The following PDE4D variants were observed in gnomAD, a reference collection of about 807,000 sequenced individuals.
The protein encoded by PDE4D is phosphodiesterase 4D.
In PDE4D, 24 loss-of-function variants were observed where a neutral mutation model predicts 87.4. The ratio of observed to expected loss-of-function variants is 0.27; its 90% CI spans 0.20 to 0.39. The LOEUF (loss-of-function observed/expected upper bound fraction) is 0.39, where lower values mean the gene tolerates loss of function less well. Among genes scored for constraint, PDE4D ranks in the 10% least tolerant of loss-of-function variants. PDE4D has a pLI of 1.00. For synonymous variants in PDE4D, 384 were observed against 383.2 expected, an observed-to-expected ratio of 1.00 and a Z score of -0.02; for missense variants, 714 against 1,041.0, an observed-to-expected ratio of 0.69 and a Z score of 4.32.
At chr5:60,302,010 C>A (rs1053124804) in intron 1 of PDE4D, among the ~76,000 whole-genome samples, 1 of 151,954 alleles carries the variant, frequency 6.6e-6, no homozygotes, top group African/African-American at 2.4e-5. Flanking sequence ...ACCTTGCATC[C>A]CAGAGATGAA....
chr5:59,057,107 C>A (rs186555807), intron 5 of PDE4D, among the ~76,000 whole-genome samples: 1 of 152,238 alleles, frequency 6.6e-6, no homozygotes, highest in East Asian at 1.9e-4. Context: ...TCACGGAAAC[C>A]TGGCACTTAA....
chr5:59,754,473 A>C (rs1376280116), intron 1 of PDE4D, among the ~76,000 whole-genome samples: 3 of 152,084 alleles, frequency 2.0e-5, no homozygotes, highest in African/African-American at 7.2e-5. Flanking sequence ...GTTATACAGG[A>C]TCCTACTCTC....
At chr5:59,623,723 T>C (rs1359935780) in intron 1 of PDE4D, among the ~76,000 whole-genome samples, 2 of 152,184 alleles carry the variant, frequency 1.3e-5, no homozygotes, top group East Asian at 1.9e-4. Flanking sequence ...AAAAAAAGAT[T>C]AGTCATCTTG....
chr5:59,561,345 A>G (rs1040140941), intron 1 of PDE4D, among the ~76,000 whole-genome samples: 2 of 152,220 alleles, frequency 1.3e-5, no homozygotes, highest in African/African-American at 4.8e-5. Context: ...AGATATTCTT[A>G]TAATTAACAA....
At chr5:59,015,254 A>C (rs1245159538) in intron 6 of PDE4D, among the ~76,000 whole-genome samples, 1 of 152,036 alleles carries the variant, frequency 6.6e-6, no homozygotes, top group East Asian at 1.9e-4. Context: ...AATGGCAACA[A>C]GAGCCAAAAT....
upstream of PDE4D, chr5:60,489,578 T>C (rs1305649947): frequency 6.6e-6 from 1 of 152,214 alleles, no homozygotes; most frequent in Non-Finnish European, 1.5e-5. Flanking sequence ...CTTTGAATTG[T>C]CCAATCTGTG....
At chr5:59,102,173 G>A (rs1770862372) in intron 5 of PDE4D, among the ~76,000 whole-genome samples, 1 of 136,802 alleles carries the variant, frequency 7.3e-6, no homozygotes, top group Admixed American at 8.5e-5. Flanking sequence ...CACAACCTCC[G>A]CCTCTTGGGT....
At chr5:60,306,425 A>G (rs1754507759) in intron 1 of PDE4D, among the ~76,000 whole-genome samples, 1 of 152,042 alleles carries the variant, frequency 6.6e-6, no homozygotes, top group Non-Finnish European at 1.5e-5. Flanking sequence ...AAACTGGAGA[A>G]GTTCAATAAA....
At chr5:59,012,798 C>T (rs562058361) in intron 6 of PDE4D, among the ~76,000 whole-genome samples, 21 of 152,212 alleles carry the variant, frequency 1.4e-4, no homozygotes, top group Middle Eastern at 3.4e-3. Flanking sequence ...CTGCAACAAG[C>T]GGACCTAATA....
chr5:59,236,480 A>G lies in PDE4D; in HGVS notation c.456-20512T>C, dbSNP rs542783587. Among the ~76,000 whole-genome samples, 12 of 152,314 alleles carry G rather than the reference A, an allele frequency of 7.9e-5. 1 individual carries two copies. In the South Asian group the frequency reaches 2.3e-3, roughly 29 times the overall value. On this transcript the variant is annotated intron_variant, in intron 1 of 14. Coordinates refer to ENST00000340635, the MANE Select transcript of PDE4D (RefSeq NM_001104631.2). Reference sequence around the variant, plus strand: ...GGTAAAGCTGAAGCTGGATCCAGGAATCTCTATTTTCAAAAGGCTGTCATA... The same window carrying G: ...GGTAAAGCTGAAGCTGGATCCAGGAGTCTCTATTTTCAAAAGGCTGTCATA...
intron 1 of PDE4D, among the ~76,000 whole-genome samples, chr5:60,307,150 A>G (rs1222926163): frequency 6.6e-6 from 1 of 152,188 alleles, no homozygotes; most frequent in Admixed American, 6.5e-5. Flanking sequence ...AATATATTAA[A>G]AGAAAAAAAT....
chr5:59,210,070 A>T (rs1749747618), intron 2 of PDE4D, among the ~76,000 whole-genome samples: 1 of 152,222 alleles, frequency 6.6e-6, no homozygotes, highest in African/African-American at 2.4e-5. Flanking sequence ...TGGGGAAGAG[A>T]TGATTTGGCC....
intron 2 of PDE4D, among the ~76,000 whole-genome samples, chr5:60,061,824 C>G (rs1226773140): frequency 6.6e-6 from 1 of 152,072 alleles, no homozygotes; most frequent in Non-Finnish European, 1.5e-5. Flanking sequence ...GAAAGGATTC[C>G]CTGTTTAATA....
At chr5:59,809,874 G>A (rs979591416) in intron 1 of PDE4D, among the ~76,000 whole-genome samples, 19 of 152,078 alleles carry the variant, frequency 1.2e-4, no homozygotes, top group African/African-American at 4.1e-4. Flanking sequence ...TCTAGGGCCC[G>A]GGGTCCATCT....
intron 1 of PDE4D, among the ~76,000 whole-genome samples, chr5:59,278,384 T>C (rs1319555293): frequency 1.3e-5 from 2 of 152,110 alleles, no homozygotes; most frequent in Non-Finnish European, 2.9e-5. Flanking sequence ...ATGTGGCCCA[T>C]GCTTTTGATC....
intron 2 of PDE4D, among the ~76,000 whole-genome samples, chr5:60,067,948 T>C (rs1420585878): frequency 1.3e-5 from 2 of 152,176 alleles, no homozygotes; most frequent in Non-Finnish European, 2.9e-5. Flanking sequence ...TTATATACCA[T>C]ATTTTCTCAT....
intron 3 of PDE4D, among the ~76,000 whole-genome samples, chr5:59,925,683 G>A (rs987406349): frequency 3.9e-5 from 6 of 152,006 alleles, no homozygotes; most frequent in African/African-American, 1.4e-4. Flanking sequence ...TATATTCCAC[G>A]TAAATGGAAA....
intron 6 of PDE4D, chr5:58,999,570 T>TAC: frequency 8.5e-7 from 1 of 1,182,650 alleles, no homozygotes; most frequent in Non-Finnish European, 1.1e-6. Context: ...TATATATATG[T>TAC]ATATATATAG....
At chr5:59,304,234 T>C (rs993434723) in intron 1 of PDE4D, among the ~76,000 whole-genome samples, 2 of 152,138 alleles carry the variant, frequency 1.3e-5, no homozygotes, top group South Asian at 2.1e-4. Context: ...CTGATTTGTG[T>C]ACATTAATCT....
Sources: gnomAD v4.1 joint callset for allele counts (sites outside exome capture counted in the v4.1 genomes callset) on GRCh38, gnomAD v4.1.1 for gene constraint, MANE v1.5 for transcripts, NCBI Gene and HGNC (gene_info 2026-07-23, HGNC 2026-07-21) for gene names.